The following TMEM131L variants were observed in gnomAD, a reference collection of about 807,000 sequenced individuals.
TMEM131L encodes the protein transmembrane 131 like, also known as transmembrane protein 131-like.
Under a neutral mutation model 192.2 loss-of-function variants are expected in TMEM131L, and 54 were observed. The observed-to-expected ratio is 0.28, with a 90% CI of 0.23 to 0.35. The LOEUF is 0.35. Ranked by LOEUF, TMEM131L falls within the 10% of genes least tolerant of loss-of-function variation. The pLI is 1.00. For synonymous variants in TMEM131L, 701 were observed against 704.9 expected (o/e 0.99, Z 0.09); for missense variants, 1,888 against 1,972.9 (o/e 0.96, Z 0.82).
intron 3 of TMEM131L, among the ~76,000 whole-genome samples, chr4:153,497,663 G>T (rs1180632188): frequency 6.6e-6 from 1 of 152,092 alleles, no homozygotes; most frequent in Non-Finnish European, 1.5e-5. Flanking sequence ...CGAGGTTCAC[G>T]TATCTATTGC....
Position 153,528,978 on chromosome 4 carries a change from C to T in TMEM131L, c.240-21095C>T, listed in dbSNP as rs185246080. ...TCTGGCCTCCGAGAGTTGTGGCCTC[C>T]GGATTAAAGAGGTGGGATCCAGTGA... is the stretch of plus-strand genomic sequence containing the variant. On this transcript the variant is annotated intron_variant, in intron 3 of 34. Transcript: ENST00000409959. Among the ~76,000 whole-genome samples, 18 of 152,190 alleles carry T rather than the reference C, an allele frequency of 1.2e-4. No individual in the cohort carries two copies. In the East Asian group the frequency reaches 1.5e-3, roughly 13 times the overall value.
At position 153,499,078 on chromosome 4, in the gene TMEM131L, C is replaced by G. The variant is rs1311507610; in HGVS notation, c.239+25190C>G. 2.0e-5 allele frequency among the ~76,000 whole-genome samples: 3 copies of G among 152,218 alleles called. No homozygotes were observed. The South Asian group carries it at 6.2e-4, about 32-fold the overall frequency. On this transcript the variant is annotated intron_variant, in intron 3 of 34. Coordinates refer to ENST00000409959, the MANE Select transcript of TMEM131L (RefSeq NM_001131007.2). Reference sequence around the variant, plus strand: ...GAGAACTTGGACAGCCTGTCATTTTCCAAAACCTCTGTGGCTCATCCTAGG... The same window carrying G: ...GAGAACTTGGACAGCCTGTCATTTTGCAAAACCTCTGTGGCTCATCCTAGG...
chr4:153,529,805 G>A (rs560271432), intron 3 of TMEM131L, among the ~76,000 whole-genome samples: 7 of 152,068 alleles, frequency 4.6e-5, no homozygotes, highest in Non-Finnish European at 1.0e-4. Flanking sequence ...TTCTGTATTT[G>A]GCTTATGCCC....
At position 153,603,309 on chromosome 4, in the gene TMEM131L, C is replaced by A; in HGVS notation, c.2646C>A (p.Ser882=). The A allele has an allele frequency of 6.2e-7, 1 of 1,612,930 alleles. No individual in the cohort carries two copies. Among genetic ancestry groups the A allele is most frequent in the South Asian group, 1.1e-5 (1 of 90,856 alleles). Residue 882 remains serine, a synonymous_variant, in exon 24 of 35, where the codon TCC becomes TCA. Transcript: ENST00000409959. Reference sequence around the variant, plus strand: ...TTGTTGCTTTCTTCCTCAGTTTGTCCCTGTTGGGTGTGATTTTAATAGCCT... The same window carrying A: ...TTGTTGCTTTCTTCCTCAGTTTGTCACTGTTGGGTGTGATTTTAATAGCCT... ...WRLTVFFVSL[S]LLGVILIAFQ...
At chr4:153,595,718 A>AC (rs1310636009) in intron 19 of TMEM131L, among the ~76,000 whole-genome samples, 401 of 139,734 alleles carry the variant, frequency 2.9e-3, no homozygotes, top group Non-Finnish European at 5.5e-3. Context: ...TTATGCCAAA[A>AC]AAAAAAAAAA....
At chr4:153,536,239 G>C (rs75185690) in intron 3 of TMEM131L, among the ~76,000 whole-genome samples, 4,984 of 152,308 alleles carry the variant, frequency 0.033, 116 homozygotes, top group Non-Finnish European at 0.048. Flanking sequence ...AGGGCCTGTG[G>C]AGAGGGACTC....
chr4:153,474,981 C>T (rs6829142), intron 3 of TMEM131L, among the ~76,000 whole-genome samples: 2 of 152,020 alleles, frequency 1.3e-5, no homozygotes, highest in Non-Finnish European at 2.9e-5. Flanking sequence ...GCAAGGACTA[C>T]GCTTCCAGAC....
At chr4:153,528,007 G>A (rs1460757350) in intron 3 of TMEM131L, among the ~76,000 whole-genome samples, 1 of 152,188 alleles carries the variant, frequency 6.6e-6, no homozygotes, top group African/African-American at 2.4e-5. Context: ...CATTAACTGA[G>A]CAGGTTCTTT....
chr4:153,488,456 C>T (rs536678501), intron 3 of TMEM131L, among the ~76,000 whole-genome samples: 1 of 152,202 alleles, frequency 6.6e-6, no homozygotes, highest in Non-Finnish European at 1.5e-5. Flanking sequence ...GAGGAGGCAG[C>T]CGGGAACTTG....
At chr4:153,533,836 A>G (rs1330535629) in intron 3 of TMEM131L, among the ~76,000 whole-genome samples, 1 of 152,210 alleles carries the variant, frequency 6.6e-6, no homozygotes, top group Non-Finnish European at 1.5e-5. Flanking sequence ...CAGCATTCGT[A>G]ATTTAGCAAA....
intron 3 of TMEM131L, among the ~76,000 whole-genome samples, chr4:153,548,387 C>T (rs181838391): frequency 4.6e-4 from 70 of 152,298 alleles, no homozygotes; most frequent in Middle Eastern, 6.8e-3. Context: ...TCACTGCAAG[C>T]TCTGCGTCCC....
At chr4:153,540,929 A>G (rs899016078) in intron 3 of TMEM131L, among the ~76,000 whole-genome samples, 3 of 152,132 alleles carry the variant, frequency 2.0e-5, no homozygotes, top group Admixed American at 2.0e-4. Flanking sequence ...TTTTATGTAT[A>G]GTGTCTGGCA....
intron 25 of TMEM131L, 56 bp downstream of exon 25, chr4:153,604,486 A>G (rs900879085): frequency 6.7e-7 from 1 of 1,492,784 alleles, no homozygotes; most frequent in Non-Finnish European, 9.0e-7. Flanking sequence ...GTCTGTTTTT[A>G]ATGGAATTGT....
chr4:153,635,383 T>A (rs752983304), intron 33 of TMEM131L, 49 bp from the exon 34 acceptor site: 6 of 1,584,958 alleles, frequency 3.8e-6, no homozygotes, highest in Middle Eastern at 1.7e-4. Context: ...GAGAATTCAG[T>A]TCTCAATGAA....
chr4:153,560,916 T>C (rs978458797), intron 7 of TMEM131L, among the ~76,000 whole-genome samples: 6 of 152,232 alleles, frequency 3.9e-5, no homozygotes, highest in African/African-American at 1.4e-4. Context: ...GGAATTTTGC[T>C]GGGTCATATG....
chr4:153,621,597 C>G (rs1394100972), intron 27 of TMEM131L, 86 bp from the exon 28 acceptor site: 1 of 1,383,184 alleles, frequency 7.2e-7, no homozygotes, highest in Non-Finnish European at 1.0e-6. Context: ...ATATTTTCAC[C>G]TCTAATAAGT....
chr4:153,553,638 T>C (rs1465952899), intron 4 of TMEM131L, among the ~76,000 whole-genome samples: 1 of 152,194 alleles, frequency 6.6e-6, no homozygotes, highest in African/African-American at 2.4e-5. Context: ...ATGGTTTATT[T>C]TGATGTTGGC....
At chr4:153,504,014 T>C (rs1018164181) in intron 3 of TMEM131L, among the ~76,000 whole-genome samples, 1 of 152,214 alleles carries the variant, frequency 6.6e-6, no homozygotes, top group Non-Finnish European at 1.5e-5. Context: ...TCGCCCAGGC[T>C]GGAGTGCAGT....
chr4:153,549,337 C>T (rs774694412), intron 3 of TMEM131L, among the ~76,000 whole-genome samples: 2 of 152,182 alleles, frequency 1.3e-5, no homozygotes, highest in Non-Finnish European at 2.9e-5. Context: ...TTAGGAGCTT[C>T]TTCAGTTAAA....
Sources: gnomAD v4.1 joint callset for allele counts (sites outside exome capture counted in the v4.1 genomes callset) on GRCh38, gnomAD v4.1.1 for gene constraint, MANE v1.5 for transcripts, NCBI Gene and HGNC (gene_info 2026-07-23, HGNC 2026-07-21) for gene names.